Variants in NVL observed in about 807,000 individuals in gnomAD.
NVL encodes the protein nuclear valosin-containing protein-like.
NVL carries 84 observed loss-of-function variants against 110.2 expected under a neutral mutation model. That is an observed-to-expected ratio of 0.76 (90% CI 0.64 to 0.91). NVL has a LOEUF of 0.91. NVL is among the 40% of genes least tolerant of loss of function. NVL has a pLI of 0.00. For synonymous variants in NVL, 354 were observed against 361.1 expected, an observed-to-expected ratio of 0.98 and a Z score of 0.22; for missense variants, 882 against 1,035.9, an observed-to-expected ratio of 0.85 and a Z score of 2.04.
intron 10 of NVL, among the ~76,000 whole-genome samples, chr1:224,298,855 T>C (rs930526322): frequency 2.0e-5 from 3 of 152,150 alleles, no homozygotes; most frequent in African/African-American, 4.8e-5. Flanking sequence ...GGTTTGAAGA[T>C]AGTCCCTCTA....
At chr1:224,260,225 A>C (rs1035499374) in intron 18 of NVL, among the ~76,000 whole-genome samples, 1 of 152,208 alleles carries the variant, frequency 6.6e-6, no homozygotes, top group Non-Finnish European at 1.5e-5. Context: ...TAGTACAATG[A>C]AATAAATACC....
chr1:224,263,608 C>T (rs758796864), intron 18 of NVL, among the ~76,000 whole-genome samples: 3 of 151,974 alleles, frequency 2.0e-5, no homozygotes, highest in Non-Finnish European at 4.4e-5. Flanking sequence ...TTCTCTTATC[C>T]CACATCTAAT....
intron 22 of NVL, among the ~76,000 whole-genome samples, chr1:224,228,532 T>C (rs1014489551): frequency 1.3e-5 from 2 of 151,096 alleles, no homozygotes; most frequent in Admixed American, 1.3e-4. Context: ...CTCAAACTCC[T>C]GACCTCATGA....
At chr1:224,254,877 G>GTTT (rs34538115) in intron 18 of NVL, among the ~76,000 whole-genome samples, 1 of 94,920 alleles carries the variant, frequency 1.1e-5, no homozygotes. Context: ...AAATGGTGTA[G>GTTT]TTTTTTTTTT....
intron 19 of NVL, among the ~76,000 whole-genome samples, chr1:224,245,718 G>C (rs1227151389): frequency 6.6e-6 from 1 of 152,046 alleles, no homozygotes; most frequent in Non-Finnish European, 1.5e-5. Flanking sequence ...CACTTTGAGA[G>C]GCCGAGGTGG....
At chr1:224,326,332 C>A in intron 2 of NVL, 59 bp downstream of exon 2, 1 of 1,296,568 alleles carries the variant, frequency 7.7e-7, no homozygotes, top group Non-Finnish European at 1.1e-6. Flanking sequence ...AGGATATAAA[C>A]TTTTAAAATG....
At chr1:224,294,490 TTAAAGA>T (rs1667689503) in intron 11 of NVL, 79 bp from the exon 12 acceptor site, 3 of 1,462,702 alleles carry the variant, frequency 2.1e-6, no homozygotes, top group Admixed American at 1.8e-5. Context: ...CATTTCATGG[TTAAAGA>T]TAAAGTATTA....
Position 224,308,192 on chromosome 1 carries a change from A to G in NVL, c.414T>C (p.Thr138=), listed in dbSNP as rs1217191655. ...RKGNPDSVSN[T]PEMEQRETTS... ...TGGTTTCTCTTTGCTCCATCTCAGG[A>G]GTATTTGAAACAGAATCAGGATTTC... The change falls in exon 6 of 23, where the codon ACT becomes ACC. Residue 138 remains threonine (T), a synonymous_variant. Transcript: ENST00000281701. The G allele has an allele frequency of 6.2e-7, 1 of 1,614,016 alleles. No homozygotes were observed. The highest frequency in any genetic ancestry group is 1.1e-5 in the South Asian group (1 of 91,054).
intron 5 of NVL, among the ~76,000 whole-genome samples, chr1:224,308,498 C>G (rs1669161476): frequency 6.6e-6 from 1 of 151,298 alleles, no homozygotes; most frequent in South Asian, 2.1e-4. Context: ...CAAGACCAGC[C>G]TAGCCAACAT....
chr1:224,293,084 T>TC (rs1421041372), intron 12 of NVL, among the ~76,000 whole-genome samples: 1 of 150,628 alleles, frequency 6.6e-6, no homozygotes, highest in Non-Finnish European at 1.5e-5. Context: ...TTTTTTTTTT[T>TC]TTTGAGACAG....
At chr1:224,278,051 C>T (rs1377543373) in intron 16 of NVL, among the ~76,000 whole-genome samples, 1 of 152,038 alleles carries the variant, frequency 6.6e-6, no homozygotes. Flanking sequence ...GAACCCATTC[C>T]CATGGTTTTA....
At chr1:224,242,481 T>C (rs1661304386) in intron 19 of NVL, among the ~76,000 whole-genome samples, 1 of 130,668 alleles carries the variant, frequency 7.7e-6, no homozygotes, top group Admixed American at 1.0e-4. Flanking sequence ...GTCATACAAA[T>C]CTATTCTTTT....
At chr1:224,231,519 T>C (rs1172339363) in intron 21 of NVL, among the ~76,000 whole-genome samples, 1 of 152,200 alleles carries the variant, frequency 6.6e-6, no homozygotes, top group Admixed American at 6.5e-5. Flanking sequence ...CATAAGTTGG[T>C]AACTTTTTGT....
At chr1:224,327,286 T>A (rs1671238884) in intron 1 of NVL, among the ~76,000 whole-genome samples, 1 of 151,856 alleles carries the variant, frequency 6.6e-6, no homozygotes, top group South Asian at 2.1e-4. Context: ...CTACAAAAAA[T>A]TTTAAAATTA....
rs1341627395 is a variant in NVL at position 224,275,326 on chromosome 1, C to A, written c.2082+13G>T. The A allele has an allele frequency of 6.2e-7, 1 of 1,614,044 alleles. No individual in the cohort carries two copies. Among genetic ancestry groups the A allele is most frequent in the Admixed American group, 1.7e-5 (1 of 60,016 alleles). On this transcript the variant is annotated intron_variant, in intron 17 of 22. Transcript: ENST00000281701. ...CTAAAAGAATCTGAAAACCACTAGT[C>A]CATGATACTTACCTCTCGGTCTGAT...
At chr1:224,328,815 T>C (rs1671402256) in intron 1 of NVL, among the ~76,000 whole-genome samples, 1 of 152,104 alleles carries the variant, frequency 6.6e-6, no homozygotes, top group Admixed American at 6.6e-5. Context: ...AAATTCCACT[T>C]GGCCATTTTA....
intron 18 of NVL, among the ~76,000 whole-genome samples, chr1:224,254,163 C>G (rs528662183): frequency 2.6e-5 from 4 of 152,046 alleles, no homozygotes; most frequent in Non-Finnish European, 5.9e-5. Flanking sequence ...ATGATCTCAG[C>G]TCACTGCAAC....
intron 15 of NVL, among the ~76,000 whole-genome samples, chr1:224,284,417 C>T (rs946604700): frequency 3.3e-5 from 5 of 151,904 alleles, no homozygotes; most frequent in Non-Finnish European, 7.4e-5. Context: ...ACTCTGTTGC[C>T]TAAGCTGGCA....
Position 224,254,575 on chromosome 1 carries a change from T to TG in NVL, c.2183-4258_2183-4257insC, listed in dbSNP as rs570474363. The stretch of plus-strand genomic sequence containing the variant: ...GCCCGGCTAATTTGTTTTTTTTGTT[T>TG]TTTTTTTTTTTGTATTTTTAGTAGA... On this transcript the variant is annotated intron_variant, in intron 18 of 22. Coordinates refer to ENST00000281701, the MANE Select transcript of NVL (RefSeq NM_002533.4). Among the ~76,000 whole-genome samples the TG allele has an allele frequency of 2.6e-3, 371 of 144,636 alleles. 3 individuals are homozygous for TG. Among genetic ancestry groups the TG allele is most frequent in the Middle Eastern group, 0.011 (3 of 274 alleles). 94.9% of individuals were successfully genotyped at this position (144,636 alleles called of 152,430 possible).
Sources: allele counts gnomAD v4.1 joint callset (sites outside exome capture counted in the v4.1 genomes callset), GRCh38; gene constraint gnomAD v4.1.1; transcripts MANE v1.5; gene names NCBI Gene and HGNC (gene_info 2026-07-23, HGNC 2026-07-21).